The following CACNG5 variants were observed in gnomAD, a reference collection of about 807,000 sequenced individuals.
CACNG5 encodes the protein calcium voltage-gated channel auxiliary subunit gamma 5, also known as voltage-dependent calcium channel gamma-5 subunit.
CACNG5 carries 18 observed loss-of-function variants against 24.8 expected under a neutral mutation model. The observed-to-expected ratio is 0.73, with a 90% confidence interval of 0.50 to 1.08. The LOEUF (loss-of-function observed/expected upper bound fraction) is 1.08, where lower values mean the gene tolerates loss of function less well. CACNG5 is among the 50% of genes least tolerant of loss of function. The probability of loss-of-function intolerance (pLI) is 0.00; values close to 1 mark genes in which losing one functional copy is unlikely to be tolerated. For missense variants in CACNG5, 349 were observed against 367.9 expected, an observed-to-expected ratio of 0.95 and a Z score of 0.42; for synonymous variants, 157 against 149.1, an observed-to-expected ratio of 1.05 and a Z score of -0.39.
rs1977346935 is a variant in CACNG5, at chr17:66,891,665, A to AT, written c.*6426dup. ...GTTACCTGATGTCATTTCCATCATAATCCCCAGACAACCTAGGTTTATAGA... is the reference window on the plus strand; with the variant it reads ...GTTACCTGATGTCATTTCCATCATAATTCCCCAGACAACCTAGGTTTATAGA... On this transcript the variant is annotated 3_prime_UTR_variant, in exon 6 of 6. Coordinates refer to ENST00000533854, the MANE Select transcript of CACNG5 (RefSeq NM_145811.3). Among the ~76,000 whole-genome samples the AT allele has an allele frequency of 6.6e-6, 1 of 152,204 alleles. No individual in the cohort carries two copies. The highest frequency in any genetic ancestry group is 2.1e-4 in the South Asian group (1 of 4,830).
In CACNG5 at chr17:66,894,712, G is replaced by C. The variant is rs558865886; in HGVS notation, c.*9472G>C. ...CTCCTTAAATGTATATTGTTTTCTG[G>C]CATGTGTATTTTAATTTAAATAAAG... is the stretch of plus-strand genomic sequence containing the variant. On this transcript the variant is annotated 3_prime_UTR_variant, in exon 6 of 6. Transcript: ENST00000533854. Among the ~76,000 whole-genome samples the C allele has an allele frequency of 7.2e-5, 11 of 151,782 alleles. 1 individual carries two copies. The highest frequency in any genetic ancestry group is 3.4e-3 in the Middle Eastern group (1 of 294).
intron 1 of CACNG5, among the ~76,000 whole-genome samples, chr17:66,856,191 A>G (rs6504466): frequency 0.85 from 129,373 of 152,256 alleles, 55,149 homozygotes; most frequent in East Asian, 0.97. Context: ...AATTCCCAGA[A>G]GTAGAATCAC....
At chr17:66,851,370 TG>T (rs1292903124) in intron 1 of CACNG5, among the ~76,000 whole-genome samples, 1 of 152,128 alleles carries the variant, frequency 6.6e-6, no homozygotes, top group African/African-American at 2.4e-5. Context: ...AGGATTCCCA[TG>T]GGGATGGTTG....
At chr17:66,838,273 C>G (rs1249913206) in intron 1 of CACNG5, among the ~76,000 whole-genome samples, 1 of 151,894 alleles carries the variant, frequency 6.6e-6, no homozygotes, top group Non-Finnish European at 1.5e-5. Flanking sequence ...ATAATTCACT[C>G]AGACCCATGA....
chr17:66,869,963 A>G (rs1470836841), intron 1 of CACNG5, among the ~76,000 whole-genome samples: 1 of 151,958 alleles, frequency 6.6e-6, no homozygotes, highest in Non-Finnish European at 1.5e-5. Context: ...GGCTCCTGTA[A>G]TCCCGGCTAC....
chr17:66,881,807 G>A (rs1336337038), intron 4 of CACNG5, among the ~76,000 whole-genome samples: 1 of 152,040 alleles, frequency 6.6e-6, no homozygotes, highest in African/African-American at 2.4e-5. Context: ...AAGTGAGGTT[G>A]GGGGTGGGGG....
chr17:66,859,953 G>A (rs1027523619), intron 1 of CACNG5, among the ~76,000 whole-genome samples: 13 of 151,724 alleles, frequency 8.6e-5, no homozygotes, highest in Non-Finnish European at 1.8e-4. Context: ...CCATCCACCC[G>A]CATGATGCAA....
intron 1 of CACNG5, among the ~76,000 whole-genome samples, chr17:66,867,453 G>A (rs1446101032): frequency 6.6e-6 from 1 of 152,084 alleles, no homozygotes; most frequent in Non-Finnish European, 1.5e-5. Context: ...TTCTTTTGCT[G>A]TGCAGAACCT....
rs1977264785 is a variant in CACNG5 at position 66,886,607 on chromosome 17, C to A, written c.*1367C>A. On this transcript the variant is annotated 3_prime_UTR_variant, in exon 6 of 6. Transcript: ENST00000533854. ...TGTGTGTCGCTGCTGTGCCCGCTCT[C>A]TCCTTGCCCTCTTTAAGACGCCGCT... Among the ~76,000 whole-genome samples, 1 of 152,198 alleles carries A rather than the reference C, an allele frequency of 6.6e-6. No homozygotes were observed. Among genetic ancestry groups the A allele is most frequent in the Admixed American group, 6.5e-5 (1 of 15,286 alleles).
intron 1 of CACNG5, among the ~76,000 whole-genome samples, chr17:66,867,311 G>A (rs1976943002): frequency 6.6e-6 from 1 of 151,942 alleles, no homozygotes; most frequent in South Asian, 2.1e-4. Context: ...ACCTTTTTAT[G>A]GGGTTGTTTG....
chr17:66,878,442 C>G (rs190666658), intron 2 of CACNG5, among the ~76,000 whole-genome samples: 3 of 152,210 alleles, frequency 2.0e-5, no homozygotes, highest in Non-Finnish European at 2.9e-5. Context: ...AGAGAAGACA[C>G]CTCAAGGTGT....
At chr17:66,854,093 TAATTTA>T in intron 1 of CACNG5, among the ~76,000 whole-genome samples, 1 of 152,292 alleles carries the variant, frequency 6.6e-6, no homozygotes, top group Non-Finnish European at 1.5e-5. Context: ...ACAATACATT[TAATTTA>T]AATTTAAATT....
intron 1 of CACNG5, among the ~76,000 whole-genome samples, chr17:66,841,072 G>A (rs1378688468): frequency 6.6e-5 from 10 of 152,182 alleles, no homozygotes; most frequent in East Asian, 1.9e-4. Context: ...ACAGCCTCAG[G>A]AGGTTCTGAC....
At chr17:66,862,279 C>T (rs1455783300) in intron 1 of CACNG5, among the ~76,000 whole-genome samples, 1 of 152,132 alleles carries the variant, frequency 6.6e-6, no homozygotes, top group African/African-American at 2.4e-5. Context: ...GTCTCTATCT[C>T]TTCATAGGTA....
rs1977277066 is a variant in CACNG5, at chr17:66,887,338, T to C, written c.*2098T>C. On this transcript the variant is annotated 3_prime_UTR_variant, in exon 6 of 6. Transcript: ENST00000533854. The stretch of plus-strand genomic sequence containing the variant: ...CCACAACTCCAATGACTCAGCCTCC[T>C]GTGGGAGGCTCTCTGTTGCTTTTGT... Among the ~76,000 whole-genome samples, 1 of 93,408 alleles carries C rather than the reference T, an allele frequency of 1.1e-5. No individual in the cohort carries two copies. The allele number at this position is 93,408 out of a possible 152,430, so 61.3% of individuals were successfully genotyped here.
chr17:66,893,367 C>T lies in CACNG5; in HGVS notation c.*8127C>T, dbSNP rs1272208022. ...ACACGTTAATCCTGACTCCTTCTCT[C>T]CCATCTCTACTCATGATGCCAACCA... On this transcript the variant is annotated 3_prime_UTR_variant, in exon 6 of 6. Transcript: ENST00000533854. Among the ~76,000 whole-genome samples the T allele has an allele frequency of 6.6e-6, 1 of 152,206 alleles. No individual in the cohort carries two copies. The highest frequency in any genetic ancestry group is 1.5e-5 in the Non-Finnish European group (1 of 68,048).
At chr17:66,876,043 C>G (rs1401586662) in intron 1 of CACNG5, among the ~76,000 whole-genome samples, 1 of 152,178 alleles carries the variant, frequency 6.6e-6, no homozygotes, top group East Asian at 1.9e-4. Context: ...AGTAGGCAGA[C>G]AACTCACCGG....
At chr17:66,855,364 A>G (rs1976760713) in intron 1 of CACNG5, among the ~76,000 whole-genome samples, 1 of 152,176 alleles carries the variant, frequency 6.6e-6, no homozygotes, top group Non-Finnish European at 1.5e-5. Flanking sequence ...CTGTGCCTTC[A>G]GGCTCTTCAG....
chr17:66,875,073 G>A (rs1274522622), intron 1 of CACNG5, among the ~76,000 whole-genome samples: 3 of 152,192 alleles, frequency 2.0e-5, no homozygotes, highest in Non-Finnish European at 4.4e-5. Flanking sequence ...GGTTCTGCCT[G>A]TTATGATGCT....
Sources: gnomAD v4.1 joint callset for allele counts (sites outside exome capture counted in the v4.1 genomes callset) on GRCh38, gnomAD v4.1.1 for gene constraint, MANE v1.5 for transcripts, NCBI Gene and HGNC (gene_info 2026-07-23, HGNC 2026-07-21) for gene names.